The following PDGFD variants were observed in gnomAD, a reference collection of about 807,000 sequenced individuals.
PDGFD encodes the protein platelet derived growth factor D, also known as platelet-derived growth factor D.
Under a neutral mutation model 44.7 loss-of-function variants are expected in PDGFD, and 30 were observed. The observed-to-expected ratio is 0.67, with a 90% CI of 0.50 to 0.91. The LOEUF (loss-of-function observed/expected upper bound fraction) is 0.91, where lower values mean the gene tolerates loss of function less well. Ranked by LOEUF, PDGFD falls within the 40% of genes least tolerant of loss-of-function variation. PDGFD has a pLI of 0.00. For missense variants in PDGFD, 445 were observed against 457.8 expected, an observed-to-expected ratio of 0.97 and a Z score of 0.25; for synonymous variants, 173 against 168.4, an observed-to-expected ratio of 1.03 and a Z score of -0.21.
At chr11:103,981,070 T>C (rs1591105609) in intron 3 of PDGFD, among the ~76,000 whole-genome samples, 1 of 149,184 alleles carries the variant, frequency 6.7e-6, no homozygotes, top group Non-Finnish European at 1.5e-5. Flanking sequence ...TAATCCCCAA[T>C]GTAACAATAT....
intron 1 of PDGFD, among the ~76,000 whole-genome samples, chr11:104,082,628 GT>G (rs57247326): frequency 1 from 150,932 of 151,542 alleles, 75,166 homozygotes; most frequent in Middle Eastern, 1. Flanking sequence ...AAATAAATTT[GT>G]TTTTTTTTGT....
intron 1 of PDGFD, among the ~76,000 whole-genome samples, chr11:104,132,618 G>C (rs1481800781): frequency 6.6e-6 from 1 of 152,056 alleles, no homozygotes; most frequent in African/African-American, 2.4e-5. Context: ...AAAGGAAGTA[G>C]ACTAATGAGC....
intron 6 of PDGFD, among the ~76,000 whole-genome samples, chr11:103,920,796 T>C (rs1858203344): frequency 6.6e-6 from 1 of 152,240 alleles, no homozygotes; most frequent in Non-Finnish European, 1.5e-5. Context: ...TGAATTAACT[T>C]TTTTATAAGC....
chr11:104,094,314 T>G (rs556905493), intron 1 of PDGFD, among the ~76,000 whole-genome samples: 9 of 152,168 alleles, frequency 5.9e-5, no homozygotes, highest in Non-Finnish European at 1.0e-4. Flanking sequence ...TGGAATTCCT[T>G]GGGGACCAAT....
At chr11:103,910,464 G>A (rs1858010099) in intron 6 of PDGFD, among the ~76,000 whole-genome samples, 2 of 152,210 alleles carry the variant, frequency 1.3e-5, no homozygotes, top group Admixed American at 6.5e-5. Flanking sequence ...GAAGCAGGGT[G>A]GGGTGTCCCC....
chr11:103,936,249 T>A (rs1858485881), intron 5 of PDGFD, among the ~76,000 whole-genome samples: 2 of 152,196 alleles, frequency 1.3e-5, no homozygotes, highest in African/African-American at 4.8e-5. Flanking sequence ...GACTGACTGA[T>A]CTGACTCATC....
chr11:104,028,951 G>A (rs1205406078), intron 1 of PDGFD, among the ~76,000 whole-genome samples: 1 of 152,072 alleles, frequency 6.6e-6, no homozygotes, highest in African/African-American at 2.4e-5. Flanking sequence ...AGAGTACGTA[G>A]TTACTCTGAT....
At chr11:103,917,886 G>A (rs531976124) in intron 6 of PDGFD, among the ~76,000 whole-genome samples, 9 of 152,274 alleles carry the variant, frequency 5.9e-5, no homozygotes, top group Admixed American at 1.3e-4. Flanking sequence ...TTTTGTCCTA[G>A]GTGAAAGTTA....
intron 1 of PDGFD, among the ~76,000 whole-genome samples, chr11:104,029,605 A>G (rs895346575): frequency 6.6e-6 from 1 of 152,236 alleles, no homozygotes; most frequent in African/African-American, 2.4e-5. Flanking sequence ...ATCTCTCAAT[A>G]TACTCTGTCC....
chr11:104,111,468 G>C (rs1258566454), intron 1 of PDGFD, among the ~76,000 whole-genome samples: 1 of 151,890 alleles, frequency 6.6e-6, no homozygotes, highest in Non-Finnish European at 1.5e-5. Context: ...ATGTTGCTCA[G>C]ACTGGTCTTG....
intron 1 of PDGFD, chr11:104,037,110 C>T (rs1187035868): frequency 3.1e-6 from 5 of 1,614,048 alleles, no homozygotes; most frequent in Non-Finnish European, 4.2e-6. Context: ...GTGTAGACTT[C>T]AGTGGCATTG....
chr11:104,054,698 T>C (rs1860594968), intron 1 of PDGFD, among the ~76,000 whole-genome samples: 1 of 152,168 alleles, frequency 6.6e-6, no homozygotes, highest in Non-Finnish European at 1.5e-5. Flanking sequence ...ATTGTTTTGC[T>C]TCAGAGCTGA....
intron 1 of PDGFD, among the ~76,000 whole-genome samples, chr11:104,057,214 C>T (rs949453413): frequency 1.4e-4 from 22 of 152,114 alleles, no homozygotes; most frequent in Non-Finnish European, 2.2e-4. Flanking sequence ...GAAAACTACA[C>T]AACATTGATA....
intron 1 of PDGFD, among the ~76,000 whole-genome samples, chr11:104,029,435 TAACTC>T (rs1321866132): frequency 6.6e-6 from 1 of 152,234 alleles, no homozygotes; most frequent in Non-Finnish European, 1.5e-5. Flanking sequence ...GGTAATCAAT[TAACTC>T]AGCTGCTGTT....
chr11:104,008,138 A>C (rs1481763269), intron 1 of PDGFD, among the ~76,000 whole-genome samples: 1 of 152,130 alleles, frequency 6.6e-6, no homozygotes, highest in East Asian at 1.9e-4. Context: ...ACACCATGTC[A>C]TCCCTCTGGC....
At chr11:104,103,576 T>C (rs1419999979) in intron 1 of PDGFD, among the ~76,000 whole-genome samples, 2 of 150,868 alleles carry the variant, frequency 1.3e-5, no homozygotes, top group East Asian at 3.9e-4. Flanking sequence ...TATACAGTCA[T>C]AAACTGCATA....
In PDGFD at chr11:103,987,549, AGTT is replaced by A. The variant is rs551664483; in HGVS notation, c.510+8513_510+8515del. Among the ~76,000 whole-genome samples, 50 of 152,296 alleles carry A rather than the reference AGTT, an allele frequency of 3.3e-4. 1 individual carries two copies. In the South Asian group the frequency reaches 1.0e-2, roughly 30 times the overall value. The stretch of plus-strand genomic sequence containing the variant: ...ATCCTTGAGTCTGAATTTGCATCAT[AGTT>A]GTTGTACACTTACCCTGTGGCTTTT... On this transcript the variant is annotated intron_variant, in intron 3 of 6. Coordinates refer to ENST00000393158, the MANE Select transcript of PDGFD (RefSeq NM_025208.5).
At chr11:104,064,289 G>C (rs201322825) in intron 1 of PDGFD, among the ~76,000 whole-genome samples, 1 of 152,132 alleles carries the variant, frequency 6.6e-6, no homozygotes, top group African/African-American at 2.4e-5. Context: ...TATATACATC[G>C]ACTGGGCTTA....
chr11:104,071,544 A>C (rs921586705), intron 1 of PDGFD, among the ~76,000 whole-genome samples: 2 of 151,828 alleles, frequency 1.3e-5, no homozygotes, highest in African/African-American at 4.8e-5. Flanking sequence ...ATATGTAAGT[A>C]AAAGTATCCC....
Sources: gnomAD v4.1 joint callset for allele counts (sites outside exome capture counted in the v4.1 genomes callset) on GRCh38, gnomAD v4.1.1 for gene constraint, MANE v1.5 for transcripts, NCBI Gene and HGNC (gene_info 2026-07-23, HGNC 2026-07-21) for gene names.